The following TMEM132D variants were observed in gnomAD, a reference collection of about 807,000 sequenced individuals.
TMEM132D encodes the protein mature OL transmembrane protein.
TMEM132D carries 21 observed loss-of-function variants against 62.3 expected under a neutral mutation model. The ratio of observed to expected loss-of-function variants is 0.34; its 90% confidence interval spans 0.24 to 0.49. The LOEUF is 0.49. Among genes scored for constraint, TMEM132D ranks in the 20% least tolerant of loss-of-function variants. The pLI, the probability that TMEM132D is intolerant of heterozygous loss-of-function variation, is 0.99. For synonymous variants in TMEM132D, 621 were observed against 575.6 expected, an observed-to-expected ratio of 1.08 and a Z score of -1.13; for missense variants, 1,346 against 1,402.8, an observed-to-expected ratio of 0.96 and a Z score of 0.65.
chr12:129,449,427 G>A (rs6486469), intron 3 of TMEM132D, among the ~76,000 whole-genome samples: 57,239 of 152,058 alleles, frequency 0.38, 11,476 homozygotes, highest in East Asian at 0.59. Context: ...TGTAGTCTAA[G>A]TTTCCACTAA....
intron 1 of TMEM132D, among the ~76,000 whole-genome samples, chr12:129,795,469 G>A (rs775839286): frequency 3.3e-5 from 5 of 152,212 alleles, no homozygotes; most frequent in Non-Finnish European, 5.9e-5. Context: ...AACTTACAAT[G>A]GACTCTGACA....
chr12:129,318,234 C>T (rs543460050), intron 4 of TMEM132D, among the ~76,000 whole-genome samples: 4 of 152,182 alleles, frequency 2.6e-5, no homozygotes, highest in African/African-American at 9.6e-5. Flanking sequence ...TGTCATATTA[C>T]CAGGGTTGGT....
At chr12:129,334,750 C>T (rs532440572) in intron 4 of TMEM132D, among the ~76,000 whole-genome samples, 4 of 152,138 alleles carry the variant, frequency 2.6e-5, no homozygotes, top group African/African-American at 7.2e-5. Context: ...TCACCAGAGC[C>T]GGCTAATTTT....
chr12:129,868,727 C>A (rs1874147523), intron 1 of TMEM132D, among the ~76,000 whole-genome samples: 1 of 152,174 alleles, frequency 6.6e-6, no homozygotes, highest in African/African-American at 2.4e-5. Flanking sequence ...AGGGCCGGGA[C>A]AAGCTGTTCT....
chr12:129,727,336 G>A (rs1200831905), intron 1 of TMEM132D, among the ~76,000 whole-genome samples: 2 of 152,172 alleles, frequency 1.3e-5, no homozygotes, highest in African/African-American at 2.4e-5. Flanking sequence ...AGAGCACCAA[G>A]GTGGAGAGAA....
intron 2 of TMEM132D, among the ~76,000 whole-genome samples, chr12:129,562,725 C>T (rs1877269192): frequency 6.6e-6 from 1 of 152,154 alleles, no homozygotes; most frequent in Admixed American, 6.5e-5. Context: ...CCTGCCACTC[C>T]CCAAATCACC....
chr12:129,695,903 A>G (rs1174111976), intron 2 of TMEM132D, among the ~76,000 whole-genome samples: 1 of 152,230 alleles, frequency 6.6e-6, no homozygotes, highest in African/African-American at 2.4e-5. Flanking sequence ...ATATCCATCC[A>G]GTAAACCCTT....
At chr12:129,883,149 G>A (rs541307030) in intron 1 of TMEM132D, among the ~76,000 whole-genome samples, 2 of 152,224 alleles carry the variant, frequency 1.3e-5, no homozygotes, top group African/African-American at 4.8e-5. Flanking sequence ...AACATTAACA[G>A]ATGTCTCACA....
intron 2 of TMEM132D, among the ~76,000 whole-genome samples, chr12:129,662,582 C>A (rs1880266162): frequency 6.6e-6 from 1 of 152,126 alleles, no homozygotes; most frequent in Admixed American, 6.5e-5. Context: ...ATCACGAGGT[C>A]AAGAGATCAA....
chr12:129,515,033 G>A (rs1282757673), intron 3 of TMEM132D, among the ~76,000 whole-genome samples: 1 of 152,190 alleles, frequency 6.6e-6, no homozygotes, highest in African/African-American at 2.4e-5. Context: ...TACAGCATGA[G>A]GCCCTTCTGG....
At chr12:129,778,389 C>T (rs942751034) in intron 1 of TMEM132D, among the ~76,000 whole-genome samples, 2 of 152,076 alleles carry the variant, frequency 1.3e-5, no homozygotes, top group African/African-American at 2.4e-5. Context: ...GGCTTCATAA[C>T]CTGCACTGAT....
chr12:129,364,972 T>C (rs577930082), intron 3 of TMEM132D, among the ~76,000 whole-genome samples: 3 of 152,326 alleles, frequency 2.0e-5, no homozygotes, highest in South Asian at 2.1e-4. Flanking sequence ...TCACTATCAA[T>C]TAATAATTCT....
chr12:129,592,783 A>G (rs1032610086), intron 2 of TMEM132D, among the ~76,000 whole-genome samples: 2 of 152,246 alleles, frequency 1.3e-5, no homozygotes, highest in African/African-American at 4.8e-5. Flanking sequence ...CAAGGATTAT[A>G]GGTCTATGTG....
intron 5 of TMEM132D, among the ~76,000 whole-genome samples, chr12:129,180,266 C>T (rs1022174628): frequency 6.6e-6 from 1 of 151,926 alleles, no homozygotes; most frequent in Non-Finnish European, 1.5e-5. Flanking sequence ...TTTGTTCTCA[C>T]TCTGCATGAT....
At position 129,799,268 on chromosome 12, in the gene TMEM132D, C is replaced by T. The variant is rs1038689540; in HGVS notation, c.80-98570G>A. ...CACACTCCACCCTGGGCAACAAGAGCGAGACTCCGTCTCAAAAACAAACAA... is the reference window on the plus strand; with the variant it reads ...CACACTCCACCCTGGGCAACAAGAGTGAGACTCCGTCTCAAAAACAAACAA... On this transcript the variant is annotated intron_variant, in intron 1 of 8. Transcript: ENST00000422113. 3.3e-5 allele frequency among the ~76,000 whole-genome samples: 5 copies of T among 151,680 alleles called. No homozygotes were observed. The South Asian group carries it at 6.3e-4, about 19-fold the overall frequency.
intron 1 of TMEM132D, among the ~76,000 whole-genome samples, chr12:129,835,172 G>C (rs1274793350): frequency 1.3e-5 from 2 of 152,188 alleles, no homozygotes; most frequent in East Asian, 3.9e-4. Flanking sequence ...GCAAGGAGAT[G>C]CAAGAAAAGT....
chr12:129,594,912 A>G lies in TMEM132D; in HGVS notation c.969-63707T>C, dbSNP rs115991847. 6.8e-3 allele frequency among the ~76,000 whole-genome samples: 1,036 copies of G among 152,342 alleles called. 11 individuals carry two copies. The highest frequency in any genetic ancestry group is 0.024 in the African/African-American group (988 of 41,562). On this transcript the variant is annotated intron_variant, in intron 2 of 8. Coordinates refer to ENST00000422113, the MANE Select transcript of TMEM132D (RefSeq NM_133448.3). ...CTTCCCATGGCACTCAGGAATGAACACAATGCAAATATACCTTGTTCAATA... is the reference window on the plus strand; with the variant it reads ...CTTCCCATGGCACTCAGGAATGAACGCAATGCAAATATACCTTGTTCAATA...
chr12:129,640,858 C>T (rs1029827062), intron 2 of TMEM132D, among the ~76,000 whole-genome samples: 2 of 152,112 alleles, frequency 1.3e-5, no homozygotes, highest in Admixed American at 6.5e-5. Flanking sequence ...TCAGCAGCAG[C>T]ATTAGATTCT....
chr12:129,204,328 A>G (rs139726757), intron 5 of TMEM132D, among the ~76,000 whole-genome samples: 3 of 152,366 alleles, frequency 2.0e-5, no homozygotes, highest in Admixed American at 1.3e-4. Context: ...ATAAAAAAGA[A>G]GGAAGCTGAT....
Sources: gnomAD v4.1 joint callset for allele counts (sites outside exome capture counted in the v4.1 genomes callset) on GRCh38, gnomAD v4.1.1 for gene constraint, MANE v1.5 for transcripts, NCBI Gene and HGNC (gene_info 2026-07-23, HGNC 2026-07-21) for gene names.